Variants in CFAP20DC observed in about 807,000 individuals in gnomAD.
The protein encoded by CFAP20DC is protein CFAP20DC.
CFAP20DC carries 84 observed loss-of-function variants against 101.7 expected under a neutral mutation model. The observed-to-expected ratio is 0.83, with a 90% confidence interval of 0.69 to 0.99. The LOEUF is 0.99. Ranked by LOEUF, CFAP20DC falls within the 50% of genes least tolerant of loss-of-function variation. The pLI is 0.00. For synonymous variants in CFAP20DC, 359 were observed against 351.2 expected, an observed-to-expected ratio of 1.02 and a Z score of -0.25; for missense variants, 1,007 against 970.3, an observed-to-expected ratio of 1.04 and a Z score of -0.50.
rs1262783365 is a variant in CFAP20DC, at chr3:58,863,798, T to C, written c.1353A>G (p.Ser451=). 3 of 1,614,196 alleles carry C rather than the reference T, an allele frequency of 1.9e-6. No individual in the cohort carries two copies. Among genetic ancestry groups the C allele is most frequent in the Non-Finnish European group, 2.5e-6 (3 of 1,180,026 alleles). The change falls in exon 12 of 17, where the codon TCA becomes TCG. Residue 451 remains serine (S), a synonymous_variant. Coordinates refer to ENST00000482387, the MANE Select transcript of CFAP20DC (RefSeq NM_001394063.1). This position sits in a 1 kb window ranked among gnomAD's most constrained non-coding sequence, Gnocchi z 5.9. ...LLLGDDSCNP[S]HLWLEASKES... is the part of the protein sequence containing the mutation. ...CTTTGCTGGCTTCCAGCCACAGGTG[T>C]GATGGGTTGCAGGAGTCATCACCCA...
At chr3:58,785,988 G>A (rs1391415341) in intron 15 of CFAP20DC, among the ~76,000 whole-genome samples, 2 of 152,070 alleles carry the variant, frequency 1.3e-5, no homozygotes, top group East Asian at 3.9e-4. Context: ...GCCAAAAACT[G>A]CTTACATTTG....
At chr3:58,758,766 C>T (rs2069215383) in intron 15 of CFAP20DC, among the ~76,000 whole-genome samples, 2 of 152,108 alleles carry the variant, frequency 1.3e-5, no homozygotes, top group South Asian at 2.1e-4. Flanking sequence ...CAATTCCCAC[C>T]TATGAGGGAG....
At chr3:59,017,046 T>C (rs1202938007) in intron 4 of CFAP20DC, among the ~76,000 whole-genome samples, 1 of 152,104 alleles carries the variant, frequency 6.6e-6, no homozygotes, top group Non-Finnish European at 1.5e-5. Context: ...AATGTCTCTC[T>C]AGTAGCCAAC....
At position 58,861,384 on chromosome 3, in the gene CFAP20DC, T is replaced by G; in HGVS notation, c.1593+2174A>C. ...GATGTAACATTCTAAAATAATGCAA[T>G]TAATAGTAAGGATGCCTTAATTAAC... On this transcript the variant is annotated intron_variant, in intron 12 of 16. Transcript: ENST00000482387. This position sits in a 1 kb window ranked among gnomAD's most constrained non-coding sequence, Gnocchi z 4.0. The G allele has an allele frequency of 1.3e-6, 1 of 772,328 alleles. No individual in the cohort carries two copies. The highest frequency in any genetic ancestry group is 1.3e-4 in the East Asian group (1 of 7,852). The allele number at this position is 772,328 out of a possible 1,614,324, so 47.8% of individuals were successfully genotyped here.
At chr3:58,808,591 T>C (rs913909728) in intron 14 of CFAP20DC, among the ~76,000 whole-genome samples, 6 of 152,156 alleles carry the variant, frequency 3.9e-5, no homozygotes, top group Admixed American at 6.5e-5. Flanking sequence ...GACCAACCAG[T>C]ACCAGCCACT....
chr3:59,039,932 A>G (rs556154734), intron 3 of CFAP20DC, among the ~76,000 whole-genome samples: 1 of 152,202 alleles, frequency 6.6e-6, no homozygotes, highest in South Asian at 2.1e-4. Context: ...GAATGTACAC[A>G]TAGAACTGCA....
intron 12 of CFAP20DC, chr3:58,862,070 G>A: frequency 1.0e-6 from 1 of 973,354 alleles, no homozygotes; most frequent in Non-Finnish European, 1.2e-6. Context: ...CCTATAGATG[G>A]AAGAGGTAAG....
chr3:58,942,259 A>G (rs2088710982), intron 4 of CFAP20DC, among the ~76,000 whole-genome samples: 4 of 152,220 alleles, frequency 2.6e-5, no homozygotes. Flanking sequence ...GCTGTAAAAG[A>G]AAAAATAAAA....
chr3:58,851,798 CAGAA>C (rs778619526), intron 12 of CFAP20DC, among the ~76,000 whole-genome samples: 24 of 151,844 alleles, frequency 1.6e-4, no homozygotes, highest in Non-Finnish European at 2.8e-4. Context: ...AAAAAGGAGT[CAGAA>C]GGAGTCAAAC....
Position 58,728,773 on chromosome 3 carries a change from T to A in CFAP20DC, c.198-11145A>T, listed in dbSNP as rs1385201289. On this transcript the variant is annotated intron_variant, in intron 3 of 3. Transcript: ENST00000486145. The surrounding 1 kb of genome is among the most constrained non-coding windows in gnomAD (Gnocchi z 4.7). ...TCTTCTCATCTATGAACATGGAACA[T>A]CCTTTCAATTACTAGGTCTTTGTTG... is the stretch of plus-strand genomic sequence containing the variant. Among the ~76,000 whole-genome samples the A allele has an allele frequency of 6.6e-6, 1 of 152,164 alleles. No individual in the cohort carries two copies. The highest frequency in any genetic ancestry group is 2.4e-5 in the African/African-American group (1 of 41,436).
chr3:58,956,126 A>ACTTCT (rs1471868836), intron 4 of CFAP20DC, among the ~76,000 whole-genome samples: 1 of 150,894 alleles, frequency 6.6e-6, no homozygotes, highest in Non-Finnish European at 1.5e-5. Context: ...ATGGGGTGAG[A>ACTTCT]CTTCTTCTGC....
intron 7 of CFAP20DC, among the ~76,000 whole-genome samples, chr3:58,880,336 A>G (rs1321400197): frequency 2.0e-5 from 3 of 152,056 alleles, no homozygotes; most frequent in African/African-American, 7.2e-5. Flanking sequence ...CTTGGTTTCT[A>G]TTTTTCACTG....
intron 4 of CFAP20DC, among the ~76,000 whole-genome samples, chr3:58,950,328 A>T (rs1223735322): frequency 6.6e-6 from 1 of 152,206 alleles, no homozygotes; most frequent in Non-Finnish European, 1.5e-5. Context: ...GAAAATGGCC[A>T]TACTGCCCAA....
At chr3:58,891,420 G>C (rs938708920) in intron 6 of CFAP20DC, among the ~76,000 whole-genome samples, 1 of 133,638 alleles carries the variant, frequency 7.5e-6, no homozygotes, top group Non-Finnish European at 1.6e-5. Context: ...GAGGGAGACC[G>C]TGGGGAGAGG....
rs779897493 is a variant in CFAP20DC at position 58,864,911 on chromosome 3, T to A, written c.1259-1019A>T. On this transcript the variant is annotated intron_variant, in intron 11 of 16. Coordinates refer to ENST00000482387, the MANE Select transcript of CFAP20DC (RefSeq NM_001394063.1). The surrounding 1 kb of genome is among the most constrained non-coding windows in gnomAD (Gnocchi z 4.7). ...AAATACCATACACTACAGGGAAATA[T>A]ATATTTTTTCAAAACTTTTAAAGAC... 8.7e-4 allele frequency among the ~76,000 whole-genome samples: 132 copies of A among 152,270 alleles called. No individual in the cohort carries two copies. Among genetic ancestry groups the A allele is most frequent in the African/African-American group, 2.9e-3 (119 of 41,570 alleles).
chr3:58,740,865 C>G (rs1224954368), downstream of CFAP20DC, among the ~76,000 whole-genome samples: 2 of 152,156 alleles, frequency 1.3e-5, no homozygotes, highest in Non-Finnish European at 1.5e-5. The surrounding 1 kb of genome is among the most constrained non-coding windows in gnomAD (Gnocchi z 4.6). Context: ...TCATAATCAA[C>G]AAACCCAACT....
intron 16 of CFAP20DC, among the ~76,000 whole-genome samples, chr3:58,743,313 AC>A (rs1308590409): frequency 3.3e-5 from 5 of 151,906 alleles, no homozygotes; most frequent in African/African-American, 1.2e-4. Flanking sequence ...TTTCCTGAGC[AC>A]CTTTTATGTG....
At chr3:58,740,307 TCTC>T (rs765302928), downstream of CFAP20DC, among the ~76,000 whole-genome samples, 3 of 152,270 alleles carry the variant, frequency 2.0e-5, no homozygotes, top group East Asian at 3.9e-4. This position sits in a 1 kb window ranked among gnomAD's most constrained non-coding sequence, Gnocchi z 4.6. Context: ...AGTGCCCTCT[TCTC>T]CTTCAGGGAG....
intron 13 of CFAP20DC, among the ~76,000 whole-genome samples, chr3:58,835,947 C>T (rs931628534): frequency 6.6e-6 from 1 of 152,164 alleles, no homozygotes; most frequent in Non-Finnish European, 1.5e-5. Context: ...ATGTATAATT[C>T]AATTTCATCT....
Sources: allele counts gnomAD v4.1 joint callset (sites outside exome capture counted in the v4.1 genomes callset), GRCh38; gene constraint gnomAD v4.1.1; non-coding constraint Gnocchi (gnomAD v3.1); transcripts MANE v1.5; gene names NCBI Gene and HGNC (gene_info 2026-07-23, HGNC 2026-07-21).